SMAD3: variants seen among roughly 807,000 people sequenced by gnomAD.
SMAD3 encodes SMAD family member 3.
SMAD3 carries 12 observed loss-of-function variants against 51.8 expected under a neutral mutation model. That is an observed-to-expected ratio of 0.23 (90% confidence interval 0.15 to 0.38). SMAD3 has a LOEUF of 0.38. Among genes scored for constraint, SMAD3 ranks in the 10% least tolerant of loss-of-function variants. SMAD3 has a pLI of 1.00. For synonymous variants in SMAD3, 238 were observed against 227.7 expected (o/e 1.05, Z -0.41); for missense variants, 294 against 565.6 (o/e 0.52, Z 4.87).
intron 7 of SMAD3, among the ~76,000 whole-genome samples, chr15:67,185,175 G>A (rs945097404): frequency 1.3e-5 from 2 of 152,226 alleles, no homozygotes; most frequent in Non-Finnish European, 2.9e-5. Flanking sequence ...AGCATGCAGG[G>A]CTCTGTGCCA....
intron 1 of SMAD3, among the ~76,000 whole-genome samples, chr15:67,128,400 C>G (rs1459484738): frequency 6.6e-6 from 1 of 152,138 alleles, no homozygotes; most frequent in Non-Finnish European, 1.5e-5. Context: ...AGTCCCTCAA[C>G]CTTTTTGCCT....
intron 1 of SMAD3, among the ~76,000 whole-genome samples, chr15:67,144,371 A>G (rs1362361745): frequency 1.3e-5 from 2 of 152,030 alleles, no homozygotes; most frequent in Non-Finnish European, 2.9e-5. Flanking sequence ...TTGTGGATAT[A>G]AAGGGAGGGT....
At chr15:67,081,637 A>G (rs564262038) in intron 1 of SMAD3, among the ~76,000 whole-genome samples, 49 of 152,306 alleles carry the variant, frequency 3.2e-4, no homozygotes, top group Non-Finnish European at 1.6e-4. Context: ...TCCTGGCCAT[A>G]TTCTCTTCAA....
At chr15:67,149,546 G>C (rs115447926) in intron 1 of SMAD3, among the ~76,000 whole-genome samples, 1,972 of 152,252 alleles carry the variant, frequency 0.013, 33 homozygotes, top group African/African-American at 0.045. Flanking sequence ...GTTAAGTGTG[G>C]GCCTGGCTTC....
chr15:67,066,280 C>A lies in SMAD3; in HGVS notation c.126C>A (p.Leu42=). 1 of 1,613,790 alleles carries A rather than the reference C, an allele frequency of 6.2e-7. No individual in the cohort carries two copies. The highest frequency in any genetic ancestry group is 8.5e-7 in the Non-Finnish European group (1 of 1,179,884). Residue 42 remains leucine (L), a synonymous_variant, in exon 1 of 9, where the codon CTC becomes CTA. Coordinates refer to ENST00000327367, the MANE Select transcript of SMAD3 (RefSeq NM_005902.4). ...EKAVKSLVKK[L]KKTGQLDELE... ...CGGTCAAGAGCCTGGTCAAGAAACT[C>A]AAGAAGACGGGGCAGCTGGACGAGC...
At chr15:67,185,621 G>A (rs1368518440) in intron 7 of SMAD3, among the ~76,000 whole-genome samples, 1 of 152,202 alleles carries the variant, frequency 6.6e-6, no homozygotes, top group Non-Finnish European at 1.5e-5. Context: ...GGTTTTCTGA[G>A]TGAGCCTGAA....
intron 1 of SMAD3, among the ~76,000 whole-genome samples, chr15:67,154,574 A>C (rs1332837408): frequency 6.6e-6 from 1 of 152,212 alleles, no homozygotes; most frequent in African/African-American, 2.4e-5. Context: ...TTGTGGCACC[A>C]AATGAAAAGA....
Position 67,066,095 on chromosome 15 carries a change from G to A in SMAD3, c.-60G>A, listed in dbSNP as rs2140188515. The A allele has an allele frequency of 3.7e-6, 5 of 1,361,708 alleles. No individual in the cohort carries two copies. Among genetic ancestry groups the A allele is most frequent in the Non-Finnish European group, 5.1e-6 (5 of 989,922 alleles). The allele number at this position is 1,361,708 out of a possible 1,614,324, so 84.4% of individuals were successfully genotyped here. ...CCGAGCTCCCCTCTGCGCCCCCGGC[G>A]TCCCGTCGAGCCCAGCCCCGCCGGG... On this transcript the variant is annotated 5_prime_UTR_variant, in exon 1 of 9. Transcript: ENST00000327367.
intron 1 of SMAD3, among the ~76,000 whole-genome samples, chr15:67,101,005 A>T (rs1438387): frequency 0.96 from 146,912 of 152,284 alleles, 71,086 homozygotes; most frequent in East Asian, 1. Flanking sequence ...TGTGCTTTCC[A>T]TGGGTGCTCA....
intron 1 of SMAD3, among the ~76,000 whole-genome samples, chr15:67,109,191 T>G (rs1221904806): frequency 6.6e-6 from 1 of 152,260 alleles, no homozygotes; most frequent in Non-Finnish European, 1.5e-5. Context: ...TCTCATGGCT[T>G]GTTAACTTGT....
chr15:67,156,854 G>A (rs189346648), intron 1 of SMAD3, among the ~76,000 whole-genome samples: 39 of 152,346 alleles, frequency 2.6e-4, no homozygotes, highest in African/African-American at 8.7e-4. Context: ...GCAGAGGTAC[G>A]AGAGGACAGG....
intron 5 of SMAD3, among the ~76,000 whole-genome samples, chr15:67,175,251 C>G (rs1335167735): frequency 2.6e-5 from 4 of 152,104 alleles, no homozygotes; most frequent in Admixed American, 2.0e-4. Flanking sequence ...CAGGGAGAGC[C>G]CTGAGGGAGC....
At chr15:67,125,945 G>C in intron 1 of SMAD3, 1 of 985,558 alleles carries the variant, frequency 1.0e-6, no homozygotes, top group Non-Finnish European at 1.2e-6. Flanking sequence ...CAACTGCATG[G>C]AAACCCACAC....
chr15:67,183,031 ATTTTTTTT>A (rs57749736), intron 6 of SMAD3, among the ~76,000 whole-genome samples: 2 of 29,702 alleles, frequency 6.7e-5, no homozygotes, highest in African/African-American at 3.3e-4. Context: ...ATATATATAT[ATTTTTTTT>A]TTTTTTTTTT....
At chr15:67,071,272 G>A (rs1204097908) in intron 1 of SMAD3, among the ~76,000 whole-genome samples, 2 of 152,236 alleles carry the variant, frequency 1.3e-5, no homozygotes, top group Non-Finnish European at 2.9e-5. Flanking sequence ...CATGGGGATA[G>A]TTCCCTATAA....
At chr15:67,172,070 G>A (rs1024056185) in intron 5 of SMAD3, among the ~76,000 whole-genome samples, 5 of 152,154 alleles carry the variant, frequency 3.3e-5, no homozygotes, top group Non-Finnish European at 5.9e-5. Flanking sequence ...GGCTGATGCC[G>A]GACACGGTGC....
rs114388031 is a variant in SMAD3, at chr15:67,073,968, C to G, written c.206+7608C>G. ...GATTCCAGGCCTGAGCCACCGCGCC[C>G]GGCCACATACAAACATTTTAAAAGC... On this transcript the variant is annotated intron_variant, in intron 1 of 8. Coordinates refer to ENST00000327367, the MANE Select transcript of SMAD3 (RefSeq NM_005902.4). 1.2e-3 allele frequency among the ~76,000 whole-genome samples: 176 copies of G among 152,324 alleles called. 1 individual carries two copies. Among genetic ancestry groups the G allele is most frequent in the African/African-American group, 4.2e-3 (173 of 41,566 alleles).
chr15:67,159,003 G>T (rs1319552160), intron 1 of SMAD3, among the ~76,000 whole-genome samples: 1 of 151,918 alleles, frequency 6.6e-6, no homozygotes, highest in African/African-American at 2.4e-5. Flanking sequence ...TAAAAAAATT[G>T]GATTGTTAAT....
chr15:67,072,349 A>G (rs1033355561), intron 1 of SMAD3, among the ~76,000 whole-genome samples: 1 of 152,198 alleles, frequency 6.6e-6, no homozygotes, highest in East Asian at 1.9e-4. Context: ...GCTTGCTTCA[A>G]ATTGGAATCA....
Sources: allele counts gnomAD v4.1 joint callset (sites outside exome capture counted in the v4.1 genomes callset), GRCh38; gene constraint gnomAD v4.1.1; transcripts MANE v1.5; gene names NCBI Gene and HGNC (gene_info 2026-07-23, HGNC 2026-07-21).